The following UNC5D variants were observed in gnomAD, a reference collection of about 807,000 sequenced individuals.
The protein encoded by UNC5D is unc-5 netrin receptor D.
UNC5D carries 39 observed loss-of-function variants against 105.4 expected under a neutral mutation model. That is an observed-to-expected ratio of 0.37 (90% CI 0.29 to 0.48). The LOEUF is 0.48. UNC5D is among the 20% of genes least tolerant of loss of function. The probability of loss-of-function intolerance (pLI) is 0.98; values close to 1 mark genes in which losing one functional copy is unlikely to be tolerated. For missense variants in UNC5D, 991 were observed against 1,202.4 expected (o/e 0.82, Z 2.60); for synonymous variants, 452 against 450.4 (o/e 1.00, Z -0.04).
intron 1 of UNC5D, among the ~76,000 whole-genome samples, chr8:35,532,147 G>C (rs1056146665): frequency 6.8e-6 from 1 of 147,002 alleles, no homozygotes; most frequent in African/African-American, 2.5e-5. Context: ...AGTCTCGATG[G>C]TCTTTACATT....
chr8:35,769,627 C>T (rs1365913203), intron 15 of UNC5D, among the ~76,000 whole-genome samples: 3 of 152,150 alleles, frequency 2.0e-5, no homozygotes, highest in East Asian at 1.9e-4. Flanking sequence ...GATTGTCTGA[C>T]TCACAGGAAA....
At chr8:35,583,690 C>G (rs1376665850) in intron 3 of UNC5D, among the ~76,000 whole-genome samples, 3 of 151,934 alleles carry the variant, frequency 2.0e-5, no homozygotes, top group African/African-American at 4.8e-5. Flanking sequence ...GTGTATTTTC[C>G]CTTGGTTTAA....
intron 1 of UNC5D, among the ~76,000 whole-genome samples, chr8:35,530,979 G>A (rs560632966): frequency 5.4e-5 from 8 of 149,002 alleles, no homozygotes; most frequent in Non-Finnish European, 7.4e-5. Flanking sequence ...CAATTTTGTT[G>A]ATCCTTTCAA....
At position 35,359,781 on chromosome 8, in the gene UNC5D, A is replaced by T. The variant is rs542967398; in HGVS notation, c.103+123894A>T. Among the ~76,000 whole-genome samples the T allele has an allele frequency of 4.4e-4, 67 of 152,292 alleles. 1 individual carries two copies. The highest frequency in any genetic ancestry group is 1.6e-3 in the African/African-American group (66 of 41,558). The stretch of plus-strand genomic sequence containing the variant: ...TGAGGATTCAAAATTTTAGTGTCTA[A>T]AATTATGAATACTGATTATCATTAT... On this transcript the variant is annotated intron_variant, in intron 1 of 16. Transcript: ENST00000404895.
At chr8:35,483,792 A>G (rs1312966503) in intron 1 of UNC5D, among the ~76,000 whole-genome samples, 2 of 152,210 alleles carry the variant, frequency 1.3e-5, no homozygotes, top group Non-Finnish European at 2.9e-5. Context: ...TTACAAGAGC[A>G]ATGGTTGAAT....
chr8:35,527,750 C>T (rs1018959456), intron 1 of UNC5D, among the ~76,000 whole-genome samples: 1 of 152,040 alleles, frequency 6.6e-6, no homozygotes, highest in Non-Finnish European at 1.5e-5. Context: ...ACCATATTGG[C>T]CAGACTGGTC....
At position 35,534,448 on chromosome 8, in the gene UNC5D, T is replaced by C. The variant is rs75879413; in HGVS notation, c.104-14844T>C. On this transcript the variant is annotated intron_variant, in intron 1 of 16. Coordinates refer to ENST00000404895, the MANE Select transcript of UNC5D (RefSeq NM_080872.4). Reference sequence around the variant, plus strand: ...CTAATGTGACATCCACTATAAACACTGTCACTGGTCTCCTGTTTGAGAAAC... The same window carrying C: ...CTAATGTGACATCCACTATAAACACCGTCACTGGTCTCCTGTTTGAGAAAC... Among the ~76,000 whole-genome samples the C allele has an allele frequency of 1.6e-3, 240 of 152,148 alleles. 6 individuals carry two copies. The East Asian group carries it at 0.04, about 25-fold the overall frequency.
At chr8:35,365,952 A>T (rs16883885) in intron 1 of UNC5D, among the ~76,000 whole-genome samples, 2,485 of 152,278 alleles carry the variant, frequency 0.016, 71 homozygotes, top group African/African-American at 0.056. Context: ...GGGAGGAAAT[A>T]AACAGAAGAA....
intron 3 of UNC5D, among the ~76,000 whole-genome samples, chr8:35,569,819 C>T (rs1483301321): frequency 3.9e-5 from 6 of 152,162 alleles, no homozygotes; most frequent in Non-Finnish European, 2.9e-5. Flanking sequence ...AATTTCAAGG[C>T]TCTATCTGCA....
chr8:35,568,867 C>G (rs1330367780), intron 3 of UNC5D, among the ~76,000 whole-genome samples: 1 of 152,102 alleles, frequency 6.6e-6, no homozygotes, highest in African/African-American at 2.4e-5. Flanking sequence ...CCGTCAATGA[C>G]AAAGTTCAAG....
At chr8:35,462,411 A>G (rs1808967920) in intron 1 of UNC5D, among the ~76,000 whole-genome samples, 1 of 152,140 alleles carries the variant, frequency 6.6e-6, no homozygotes, top group South Asian at 2.1e-4. Flanking sequence ...GTGTGTTACA[A>G]TATTATTTAA....
intron 8 of UNC5D, among the ~76,000 whole-genome samples, chr8:35,708,688 G>C (rs951172888): frequency 1.3e-5 from 2 of 152,142 alleles, no homozygotes; most frequent in Non-Finnish European, 2.9e-5. Flanking sequence ...CTGAAGGGGT[G>C]AAAAGGATTT....
chr8:35,383,952 C>CA (rs1458833654), intron 1 of UNC5D, among the ~76,000 whole-genome samples: 4 of 151,788 alleles, frequency 2.6e-5, no homozygotes, highest in Non-Finnish European at 5.9e-5. Context: ...CGCGGTGGCT[C>CA]ACGCCTGTCA....
chr8:35,645,537 G>T (rs193170122), intron 4 of UNC5D, among the ~76,000 whole-genome samples: 2 of 151,824 alleles, frequency 1.3e-5, no homozygotes, highest in Non-Finnish European at 2.9e-5. Context: ...CTGTGTGTGT[G>T]TGTGTGTGTG....
At chr8:35,752,558 G>A (rs776959437) in intron 13 of UNC5D, among the ~76,000 whole-genome samples, 3 of 152,074 alleles carry the variant, frequency 2.0e-5, no homozygotes, top group Non-Finnish European at 4.4e-5. Flanking sequence ...GGCTTTCAAA[G>A]GTGTGCCATT....
At chr8:35,252,767 A>G (rs1421787882) in intron 1 of UNC5D, among the ~76,000 whole-genome samples, 1 of 152,086 alleles carries the variant, frequency 6.6e-6, no homozygotes, top group Non-Finnish European at 1.5e-5. Context: ...GTTTTTTTAT[A>G]TATGTGAGAG....
intron 8 of UNC5D, among the ~76,000 whole-genome samples, chr8:35,706,341 C>T (rs910528334): frequency 6.6e-6 from 1 of 152,176 alleles, no homozygotes; most frequent in Non-Finnish European, 1.5e-5. Context: ...CACCTAGCAT[C>T]TTACCTCCTG....
intron 4 of UNC5D, among the ~76,000 whole-genome samples, chr8:35,617,836 C>T (rs1821124284): frequency 6.6e-6 from 1 of 152,240 alleles, no homozygotes; most frequent in Non-Finnish European, 1.5e-5. Context: ...CTGAGTCTCT[C>T]TTGGCTCTGG....
intron 11 of UNC5D, among the ~76,000 whole-genome samples, chr8:35,743,080 C>T (rs1178858421): frequency 2.0e-5 from 3 of 151,906 alleles, no homozygotes; most frequent in African/African-American, 7.3e-5. Flanking sequence ...TATACTGTAC[C>T]CAGTCACTGA....
Sources: gnomAD v4.1 joint callset for allele counts (sites outside exome capture counted in the v4.1 genomes callset) on GRCh38, gnomAD v4.1.1 for gene constraint, MANE v1.5 for transcripts, NCBI Gene and HGNC (gene_info 2026-07-23, HGNC 2026-07-21) for gene names.